HACD3: variants seen among roughly 807,000 people sequenced by gnomAD.
HACD3 encodes the protein 3-hydroxyacyl-CoA dehydratase 3.
HACD3 carries 30 observed loss-of-function variants against 55.2 expected under a neutral mutation model. The ratio of observed to expected loss-of-function variants is 0.54; its 90% CI spans 0.41 to 0.74. The LOEUF (loss-of-function observed/expected upper bound fraction) is 0.74, where lower values mean the gene tolerates loss of function less well. HACD3 is among the 30% of genes least tolerant of loss of function. The pLI is 0.00. For missense variants in HACD3, 363 were observed against 440.1 expected, an observed-to-expected ratio of 0.82 and a Z score of 1.57; for synonymous variants, 141 against 151.7, an observed-to-expected ratio of 0.93 and a Z score of 0.52.
In HACD3 at chr15:65,549,628, G is replaced by A. The variant is rs374388606; in HGVS notation, c.88-2048G>A. Among the ~76,000 whole-genome samples, 402 of 143,660 alleles carry A rather than the reference G, an allele frequency of 2.8e-3. 1 individual carries two copies. Among genetic ancestry groups the A allele is most frequent in the African/African-American group, 1.0e-2 (383 of 38,368 alleles). 94.2% of individuals were successfully genotyped at this position (143,660 alleles called of 152,430 possible). ...AAAAAAAAAAAAAAAAAAGATCAAA[G>A]CCCAAGACCCACCAAAGGTGTAACA... On this transcript the variant is annotated intron_variant, in intron 1 of 10. Transcript: ENST00000261875.
At chr15:65,543,469 TA>T (rs1245113550) in intron 1 of HACD3, among the ~76,000 whole-genome samples, 1 of 152,162 alleles carries the variant, frequency 6.6e-6, no homozygotes, top group Non-Finnish European at 1.5e-5. Context: ...ATAAAACAAA[TA>T]TATAAATGTA....
At chr15:65,555,625 T>G (rs538100544) in intron 3 of HACD3, among the ~76,000 whole-genome samples, 57 of 152,236 alleles carry the variant, frequency 3.7e-4, no homozygotes, top group Middle Eastern at 3.4e-3. Context: ...TAACCAGTGG[T>G]ACAGTGGGCA....
chr15:65,537,508 C>G (rs1480417096), intron 1 of HACD3, among the ~76,000 whole-genome samples: 2 of 151,324 alleles, frequency 1.3e-5, no homozygotes, highest in African/African-American at 4.9e-5. Context: ...TATGTTAAAT[C>G]GGCCGGGCAT....
intron 7 of HACD3, 128 bp downstream of exon 7, chr15:65,564,470 A>G: frequency 8.2e-7 from 1 of 1,225,998 alleles, no homozygotes; most frequent in Non-Finnish European, 1.1e-6. Flanking sequence ...TACAAAAGAA[A>G]GAGGTTTAAT....
chr15:65,538,363 A>ATT (rs1363390143), intron 1 of HACD3, among the ~76,000 whole-genome samples: 1 of 152,188 alleles, frequency 6.6e-6, no homozygotes, highest in East Asian at 1.9e-4. Flanking sequence ...CTCATGGATG[A>ATT]TTTTGAGGGG....
chr15:65,572,227 G>T lies in HACD3; in HGVS notation c.881-8G>T. 2 of 1,610,658 alleles carry T rather than the reference G, an allele frequency of 1.2e-6. No individual in the cohort carries two copies. The highest frequency in any genetic ancestry group is 1.7e-6 in the Non-Finnish European group (2 of 1,179,280). On this transcript the variant is annotated splice_polypyrimidine_tract_variant and splice_region_variant and intron_variant, in intron 9 of 10. Transcript: ENST00000261875. ...TTGCTTCTAACAAGTTCTTGTTTCT[G>T]TTTTCAGCTGTCTCAGTGATTCAGT...
intron 7 of HACD3, chr15:65,566,899 C>G (rs2072297911): frequency 2.0e-5 from 3 of 152,172 alleles, no homozygotes; most frequent in Admixed American, 2.0e-4. Flanking sequence ...AAATTTGACT[C>G]TTAGGCAGGA....
chr15:65,570,900 C>T (rs2072341444), intron 8 of HACD3, among the ~76,000 whole-genome samples: 1 of 152,078 alleles, frequency 6.6e-6, no homozygotes, highest in African/African-American at 2.4e-5. Flanking sequence ...TGGTCTGTGT[C>T]CCATGGCACC....
At chr15:65,563,037 C>T (rs1233499842) in intron 6 of HACD3, among the ~76,000 whole-genome samples, 153 bp downstream of exon 6, 1 of 152,222 alleles carries the variant, frequency 6.6e-6, no homozygotes, top group East Asian at 1.9e-4. Flanking sequence ...GCTCTTATTT[C>T]CCATGGCCTT....
At position 65,557,416 on chromosome 15, in the gene HACD3, C is replaced by T. The variant is rs545805785; in HGVS notation, c.369+513C>T. 2.0e-5 allele frequency among the ~76,000 whole-genome samples: 3 copies of T among 150,646 alleles called. No individual in the cohort carries two copies. The South Asian group carries it at 6.3e-4, about 32-fold the overall frequency. On this transcript the variant is annotated intron_variant, in intron 4 of 10. Transcript: ENST00000261875. Reference sequence around the variant, plus strand: ...CGTGAACTCGGGAGGCGGGGCTTGCCGTGAGCCGAGATCACGCCACTGCAC... The same window carrying T: ...CGTGAACTCGGGAGGCGGGGCTTGCTGTGAGCCGAGATCACGCCACTGCAC...
chr15:65,537,958 A>AAAATATAT (rs2071979140), intron 1 of HACD3, among the ~76,000 whole-genome samples: 1 of 11,164 alleles, frequency 9.0e-5, no homozygotes, highest in Admixed American at 1.1e-3. Flanking sequence ...AAAAAAAAAA[A>AAAATATAT]ATATATATAT....
intron 1 of HACD3, among the ~76,000 whole-genome samples, chr15:65,546,956 A>G (rs1232084000): frequency 6.6e-6 from 1 of 152,198 alleles, no homozygotes; most frequent in African/African-American, 2.4e-5. Flanking sequence ...AGTAAAGGAA[A>G]AAAAGCACAA....
intron 3 of HACD3, among the ~76,000 whole-genome samples, chr15:65,555,580 G>A (rs79616532): frequency 0.012 from 1,899 of 152,248 alleles, 40 homozygotes; most frequent in African/African-American, 0.044. Context: ...ATTTCCGTGC[G>A]CAGGTGCTCA....
intron 4 of HACD3, among the ~76,000 whole-genome samples, chr15:65,557,857 T>A (rs938498390): frequency 5.3e-5 from 8 of 152,166 alleles, no homozygotes; most frequent in Admixed American, 5.2e-4. Context: ...TGGCACTAAC[T>A]GGCCTTTGGT....
chr15:65,531,829 G>A (rs1231031859), intron 1 of HACD3, among the ~76,000 whole-genome samples: 1 of 152,092 alleles, frequency 6.6e-6, no homozygotes, highest in Non-Finnish European at 1.5e-5. Flanking sequence ...GCCTCCCAAA[G>A]TGCTGGGATT....
chr15:65,537,599 T>A (rs2141203717), intron 1 of HACD3, among the ~76,000 whole-genome samples: 1 of 151,572 alleles, frequency 6.6e-6, no homozygotes, highest in East Asian at 1.9e-4. Flanking sequence ...AAGATCAGGC[T>A]GACCAACATG....
At position 65,534,645 on chromosome 15, in the gene HACD3, T is replaced by A. The variant is rs352485; in HGVS notation, c.87+3927T>A. Among the ~76,000 whole-genome samples, 15 of 152,260 alleles carry A rather than the reference T, an allele frequency of 9.9e-5. 1 individual carries two copies. Among genetic ancestry groups the A allele is most frequent in the Non-Finnish European group, 1.9e-4 (13 of 68,024 alleles). On this transcript the variant is annotated intron_variant, in intron 1 of 10. Transcript: ENST00000261875. ...TGTTTGAAAGATATTGTTCCTGTCC[T>A]TACCTAACAGAGTCTGGTGGAAAGA...
chr15:65,530,566 C>T lies in HACD3; in HGVS notation c.-66C>T, dbSNP rs2141198537. ...GAGGCCTGCTTTCTGCTCGCGCCAGCAGAGCACTACCTGAGGCAGCGAGGC... is the reference window on the plus strand; with the variant it reads ...GAGGCCTGCTTTCTGCTCGCGCCAGTAGAGCACTACCTGAGGCAGCGAGGC... On this transcript the variant is annotated 5_prime_UTR_variant, in exon 1 of 11. Transcript: ENST00000261875. 3 of 1,426,338 alleles carry T rather than the reference C, an allele frequency of 2.1e-6. No homozygotes were observed. Among genetic ancestry groups the T allele is most frequent in the Non-Finnish European group, 2.9e-6 (3 of 1,043,648 alleles). 88.4% of individuals were successfully genotyped at this position (1,426,338 alleles called of 1,614,324 possible).
chr15:65,565,956 C>T (rs1191222452), intron 7 of HACD3: 1 of 152,420 alleles, frequency 6.6e-6, no homozygotes, highest in African/African-American at 2.4e-5. Context: ...ATTTCTCCTG[C>T]CAGATACCCT....
Sources: gnomAD v4.1 joint callset for allele counts (sites outside exome capture counted in the v4.1 genomes callset) on GRCh38, gnomAD v4.1.1 for gene constraint, MANE v1.5 for transcripts, NCBI Gene and HGNC (gene_info 2026-07-23, HGNC 2026-07-21) for gene names.